ZNF74: variants seen among roughly 807,000 people sequenced by gnomAD.
ZNF74 encodes zinc finger protein 520.
In ZNF74, 12 loss-of-function variants were observed where a neutral mutation model predicts 17.7. That is an observed-to-expected ratio of 0.68 (90% CI 0.43 to 1.10). The LOEUF is 1.10. Ranked by LOEUF, ZNF74 falls within the 50% of genes least tolerant of loss-of-function variation. The probability of loss-of-function intolerance (pLI) is 0.00; values close to 1 mark genes in which losing one functional copy is unlikely to be tolerated. For missense variants in ZNF74, 811 were observed against 881.0 expected (o/e 0.92, Z 1.01); for synonymous variants, 358 against 362.1 (o/e 0.99, Z 0.13).
In ZNF74 at chr22:20,400,696, C is replaced by A. The variant is rs753915615; in HGVS notation, c.185C>A (p.Ser62Tyr). The A allele has an allele frequency of 1.9e-6, 3 of 1,614,098 alleles. No individual in the cohort carries two copies. The highest frequency in any genetic ancestry group is 2.5e-6 in the Non-Finnish European group (3 of 1,179,990). Residue 62 changes from serine to tyrosine, a missense_variant, in exon 3 of 5, where the codon TCC becomes TAC. Coordinates refer to ENST00000400451, the MANE Select transcript of ZNF74 (RefSeq NM_003426.4). ...CAGGAGGAGTGGGGTCAACTAGACT[C>A]CCCTCAGAGGGCCTTGTACCGGGAT... ...FTQEEWGQLDSPQRALYRDVM... is the reference protein window; with the variant it reads ...FTQEEWGQLDYPQRALYRDVM...
Position 20,401,791 on chromosome 22 carries a change from A to G in ZNF74, c.343+419A>G, listed in dbSNP as rs1234375772. ...CAGCGTCAGGGTCAGAGCCAGCATCAGTGTCAGGGCCAGCGTGAGCATCAG... is the reference window on the plus strand; with the variant it reads ...CAGCGTCAGGGTCAGAGCCAGCATCGGTGTCAGGGCCAGCGTGAGCATCAG... On this transcript the variant is annotated intron_variant, in intron 4 of 4. Transcript: ENST00000400451. This position sits in a 1 kb window ranked among gnomAD's most constrained non-coding sequence, Gnocchi z 4.2. Among the ~76,000 whole-genome samples, 1 of 152,088 alleles carries G rather than the reference A, an allele frequency of 6.6e-6. No homozygotes were observed. Among genetic ancestry groups the G allele is most frequent in the African/African-American group, 2.4e-5 (1 of 41,394 alleles).
At chr22:20,396,835 C>T (rs2052299300) in intron 2 of ZNF74, among the ~76,000 whole-genome samples, 1 of 152,162 alleles carries the variant, frequency 6.6e-6, no homozygotes, top group African/African-American at 2.4e-5. Flanking sequence ...ACCACATCAG[C>T]ATCTGATTCC....
chr22:20,405,749 G>C lies in ZNF74; in HGVS notation c.716G>C (p.Arg239Pro). The change falls in exon 5 of 5, where the codon CGC (arginine) becomes CCC (proline). Residue 239 changes from arginine to proline, a missense_variant. Transcript: ENST00000400451. ...AAGTTCCCCCAGGTGCGCCGGCAGCGCGGGGCGGGCGCCGGGGAGGGCGAG... is the reference window on the plus strand; with the variant it reads ...AAGTTCCCCCAGGTGCGCCGGCAGCCCGGGGCGGGCGCCGGGGAGGGCGAG... Reference protein sequence around the residue: ...PEKFPQVRRQRGAGAGEGEFV... With the variant: ...PEKFPQVRRQPGAGAGEGEFV... 1 of 1,604,922 alleles carries C rather than the reference G, an allele frequency of 6.2e-7. No individual in the cohort carries two copies. Among genetic ancestry groups the C allele is most frequent in the Non-Finnish European group, 8.5e-7 (1 of 1,176,328 alleles).
intron 2 of ZNF74, 139 bp downstream of exon 2, chr22:20,395,557 G>A: frequency 1.7e-6 from 1 of 602,634 alleles, no homozygotes; most frequent in Non-Finnish European, 3.0e-6. Flanking sequence ...AGTGGGAACA[G>A]CTCCAAGTGA....
rs1238813223 is a variant in ZNF74 at position 20,394,286 on chromosome 22, T to C, written c.-343T>C. On this transcript the variant is annotated 5_prime_UTR_variant, in exon 1 of 5. An upstream start codon of the reference 5' UTR is lost. Coordinates refer to ENST00000400451, the MANE Select transcript of ZNF74 (RefSeq NM_003426.4). The stretch of plus-strand genomic sequence containing the variant: ...TGTCCGCTGGTCGCTCCGCGTCCGA[T>C]GGCTCCTGGCCGCGGAACCTTAGGC... 1.4e-6 allele frequency: 1 copy of C among 706,532 alleles called. No homozygotes were observed. The highest frequency in any genetic ancestry group is 2.6e-6 in the Non-Finnish European group (1 of 381,570). 43.8% of individuals were successfully genotyped at this position (706,532 alleles called of 1,614,324 possible).
chr22:20,396,273 G>GAGA (rs2052292864), intron 2 of ZNF74, among the ~76,000 whole-genome samples: 1 of 151,782 alleles, frequency 6.6e-6, no homozygotes, highest in Non-Finnish European at 1.5e-5. Context: ...TGTGAGCTGT[G>GAGA]CCTCACTTCT....
chr22:20,397,599 A>G (rs2052309690), intron 2 of ZNF74, among the ~76,000 whole-genome samples: 1 of 152,108 alleles, frequency 6.6e-6, no homozygotes. Flanking sequence ...TTCCTCTTTA[A>G]GGATTTCATA....
rs1211439839 is a variant in ZNF74 at position 20,401,363 on chromosome 22, C to G, written c.334C>G (p.Pro112Ala). The stretch of plus-strand genomic sequence containing the variant: ...CATGCAGAGGGAAGTCCCCAGAGGG[C>G]CCTGTCCAGGTGAGCAGAGGCACAG... ...WSMQREVPRG[P>A]CPEWELKAVP... Residue 112 changes from proline to alanine, a missense_variant, in exon 4 of 5, where the codon CCC (proline) becomes GCC (alanine). Transcript: ENST00000400451. This position sits in a 1 kb window ranked among gnomAD's most constrained non-coding sequence, Gnocchi z 4.2. 2.5e-6 allele frequency: 4 copies of G among 1,604,268 alleles called. No homozygotes were observed. In the East Asian group the frequency reaches 9.0e-5, roughly 36 times the overall value.
chr22:20,404,834 G>C (rs2052395383), intron 4 of ZNF74, among the ~76,000 whole-genome samples: 1 of 152,188 alleles, frequency 6.6e-6, no homozygotes, highest in African/African-American at 2.4e-5. Flanking sequence ...TAGCTACTCG[G>C]GAGGCTGAGG....
rs1264833104 is a variant in ZNF74, at chr22:20,407,597, G to A, written c.*629G>A. The A allele has an allele frequency of 1.3e-5, 2 of 152,184 alleles. No individual in the cohort carries two copies. Among genetic ancestry groups the A allele is most frequent in the Admixed American group, 6.5e-5 (1 of 15,280 alleles). 9.4% of individuals were successfully genotyped at this position (152,184 alleles called of 1,614,324 possible). ...TATATCAACTGTTGTATCCTCGGAC[G>A]GGCTCCTGACACGGCTTTAATCAGG... On this transcript the variant is annotated 3_prime_UTR_variant, in exon 5 of 5. Coordinates refer to ENST00000400451, the MANE Select transcript of ZNF74 (RefSeq NM_003426.4).
Position 20,406,932 on chromosome 22 carries a change from C to G in ZNF74, c.1899C>G (p.Gly633=). 3.1e-6 allele frequency: 5 copies of G among 1,613,548 alleles called. No individual in the cohort carries two copies. The highest frequency in any genetic ancestry group is 4.2e-6 in the Non-Finnish European group (5 of 1,179,836). The change falls in exon 5 of 5, where the codon GGC becomes GGG. Residue 633 remains glycine (G), a synonymous_variant. Transcript: ENST00000400451. ...TGTGCGTGGTTCCCCCCAGAGCTGGCAGGAATTTCTCCCTGGGGAGCAAAC... is the reference window on the plus strand; with the variant it reads ...TGTGCGTGGTTCCCCCCAGAGCTGGGAGGAATTTCTCCCTGGGGAGCAAAC... The part of the protein sequence containing the change: ...KLLCVVPPRA[G]RNFSLGSKPR...
chr22:20,399,570 C>CAT, intron 2 of ZNF74: 1 of 341,428 alleles, frequency 2.9e-6, no homozygotes, highest in Non-Finnish European at 5.7e-6. Context: ...ATTTACATGT[C>CAT]CTTTTTTTTT....
rs946275764 is a variant in ZNF74 at position 20,408,201 on chromosome 22, G to A, written c.*1233G>A. 2.6e-5 allele frequency: 4 copies of A among 152,088 alleles called. No homozygotes were observed. Among genetic ancestry groups the A allele is most frequent in the Admixed American group, 2.6e-4 (4 of 15,262 alleles). 9.4% of individuals were successfully genotyped at this position (152,088 alleles called of 1,614,324 possible). ...CTGTTTTGCAAACCCTGGAAAAGGCGGCTCTCCCTGTCCCAACACTCTTCA... is the reference window on the plus strand; with the variant it reads ...CTGTTTTGCAAACCCTGGAAAAGGCAGCTCTCCCTGTCCCAACACTCTTCA... On this transcript the variant is annotated 3_prime_UTR_variant, in exon 5 of 5. Coordinates refer to ENST00000400451, the MANE Select transcript of ZNF74 (RefSeq NM_003426.4).
At chr22:20,402,596 G>A (rs1437322082) in intron 4 of ZNF74, among the ~76,000 whole-genome samples, 1 of 152,052 alleles carries the variant, frequency 6.6e-6, no homozygotes, top group Non-Finnish European at 1.5e-5. Context: ...GAGGTCAGGA[G>A]TTCGAGACCA....
chr22:20,408,106 C>T lies in ZNF74; in HGVS notation c.*1138C>T, dbSNP rs1411310859. 6.6e-6 allele frequency: 1 copy of T among 152,208 alleles called. No homozygotes were observed. The highest frequency in any genetic ancestry group is 1.5e-5 in the Non-Finnish European group (1 of 68,036). The allele number at this position is 152,208 out of a possible 1,614,324, so 9.4% of individuals were successfully genotyped here. A position where few individuals can be genotyped will look rare whatever the true frequency, so the allele number is the denominator to read the frequency against. ...CCAGCCCAGGTCACAGAAGAAGCCC[C>T]TCCCAGCACCCACTGGAGAGGGGAA... On this transcript the variant is annotated 3_prime_UTR_variant, in exon 5 of 5. Transcript: ENST00000400451.
rs571974565 is a variant in ZNF74 at position 20,399,979 on chromosome 22, G to A, written c.121-653G>A. 227 of 156,316 alleles carry A rather than the reference G, an allele frequency of 1.5e-3. 1 individual carries two copies. Among genetic ancestry groups the A allele is most frequent in the African/African-American group, 5.0e-3 (208 of 41,584 alleles). The allele number at this position is 156,316 out of a possible 1,614,324, so 9.7% of individuals were successfully genotyped here. On this transcript the variant is annotated intron_variant, in intron 2 of 4. Coordinates refer to ENST00000400451, the MANE Select transcript of ZNF74 (RefSeq NM_003426.4). ...TCTGGGATTTGTTCTGGGATGCAGT[G>A]AAATTACTTGGCATCTATTTGATCC...
At position 20,401,299 on chromosome 22, in the gene ZNF74, T is replaced by C; in HGVS notation, c.270T>C (p.Asp90=). The C allele has an allele frequency of 6.2e-7, 1 of 1,611,960 alleles. No homozygotes were observed. The highest frequency in any genetic ancestry group is 8.5e-7 in the Non-Finnish European group (1 of 1,179,070). Residue 90 remains aspartate (D), a synonymous_variant, in exon 4 of 5, where the codon GAT becomes GAC. Coordinates refer to ENST00000400451, the MANE Select transcript of ZNF74 (RefSeq NM_003426.4). This position sits in a 1 kb window ranked among gnomAD's most constrained non-coding sequence, Gnocchi z 4.2. ...CAGGACCTCCACTGCACAAGCCAGA[T>C]GTGATCTCTCATCTGGAACGAGGCG... ...LALGPPLHKP[D]VISHLERGEE...
Position 20,401,191 on chromosome 22 carries a change from C to A in ZNF74, c.248-86C>A. 2 of 838,848 alleles carry A rather than the reference C, an allele frequency of 2.4e-6. No homozygotes were observed. The highest frequency in any genetic ancestry group is 1.7e-5 in the African/African-American group (1 of 59,522). The allele number at this position is 838,848 out of a possible 1,614,324, so 52.0% of individuals were successfully genotyped here. A position where few individuals can be genotyped will look rare whatever the true frequency, so the allele number is the denominator to read the frequency against. The stretch of plus-strand genomic sequence containing the variant: ...CCAGAGAGGGTGTCCACTTCACAGG[C>A]ATTGTCCTTGTTAGGGGGCGGCCTG... On this transcript the variant is annotated intron_variant, in intron 3 of 4. Transcript: ENST00000400451. The surrounding 1 kb of genome is among the most constrained non-coding windows in gnomAD (Gnocchi z 4.2).
intron 2 of ZNF74, chr22:20,400,362 A>C (rs1601271439): frequency 2.2e-6 from 1 of 450,738 alleles, no homozygotes; most frequent in Non-Finnish European, 4.1e-6. Flanking sequence ...CCTGGGTCCC[A>C]CCGCAAGTTG....
Sources: gnomAD v4.1 joint callset for allele counts (sites outside exome capture counted in the v4.1 genomes callset) on GRCh38, gnomAD v4.1.1 for gene constraint, Gnocchi (gnomAD v3.1) non-coding constraint, MANE v1.5 for transcripts, NCBI Gene and HGNC (gene_info 2026-07-23, HGNC 2026-07-21) for gene names.